Variants in GLI3 observed in about 807,000 individuals in gnomAD.
GLI3 encodes GLI family zinc finger 3.
GLI3 carries 20 observed loss-of-function variants against 100.8 expected under a neutral mutation model. The ratio of observed to expected loss-of-function variants is 0.20; its 90% CI spans 0.14 to 0.29. The LOEUF (loss-of-function observed/expected upper bound fraction) is 0.29, where lower values mean the gene tolerates loss of function less well. Ranked by LOEUF, GLI3 falls within the 10% of genes least tolerant of loss-of-function variation. The pLI, the probability that GLI3 is intolerant of heterozygous loss-of-function variation, is 1.00. For missense variants in GLI3, 2,040 were observed against 2,128.5 expected (o/e 0.96, Z 0.82); for synonymous variants, 938 against 860.5 (o/e 1.09, Z -1.58).
intron 2 of GLI3, among the ~76,000 whole-genome samples, chr7:42,159,250 C>T (rs751471376): frequency 2.0e-5 from 3 of 152,068 alleles, no homozygotes; most frequent in Non-Finnish European, 4.4e-5. Context: ...CAGTTAGAGC[C>T]GCACATAGTT....
chr7:42,139,027 G>T (rs147137599), intron 3 of GLI3, among the ~76,000 whole-genome samples: 5 of 152,198 alleles, frequency 3.3e-5, no homozygotes, highest in Non-Finnish European at 7.3e-5. Flanking sequence ...TCCCCTGGTG[G>T]TGTTAGCTAC....
rs192883611 is a variant in GLI3, at chr7:42,098,254, T to C, written c.368-21397A>G. ...TGAACAAATTCTCATTATTAGACCATAGAAAAGTTTGTTTTTATCCCCATC... is the reference window on the plus strand; with the variant it reads ...TGAACAAATTCTCATTATTAGACCACAGAAAAGTTTGTTTTTATCCCCATC... On this transcript the variant is annotated intron_variant, in intron 3 of 14. Coordinates refer to ENST00000395925, the MANE Select transcript of GLI3 (RefSeq NM_000168.6). Among the ~76,000 whole-genome samples, 456 of 152,232 alleles carry C rather than the reference T, an allele frequency of 3.0e-3. 1 individual carries two copies. The highest frequency in any genetic ancestry group is 5.6e-3 in the Non-Finnish European group (379 of 68,010).
chr7:42,052,902 T>C (rs980197155), intron 4 of GLI3, among the ~76,000 whole-genome samples: 2 of 152,178 alleles, frequency 1.3e-5, no homozygotes, highest in Non-Finnish European at 2.9e-5. Flanking sequence ...CCTCCTGACA[T>C]GTAAATAGTC....
chr7:42,177,371 G>A (rs1465203140), intron 2 of GLI3, among the ~76,000 whole-genome samples: 2 of 152,144 alleles, frequency 1.3e-5, no homozygotes, highest in East Asian at 1.9e-4. Context: ...CATGACCTTG[G>A]CCTTTTAGAA....
intron 10 of GLI3, among the ~76,000 whole-genome samples, chr7:41,986,000 G>T (rs180698223): frequency 7.9e-5 from 12 of 152,286 alleles, no homozygotes; most frequent in Admixed American, 7.8e-4. Context: ...TTCACAAAAT[G>T]CCTGTTTCAA....
chr7:42,059,365 A>G (rs1251391797), intron 4 of GLI3, among the ~76,000 whole-genome samples: 1 of 151,374 alleles, frequency 6.6e-6, no homozygotes, highest in Non-Finnish European at 1.5e-5. Flanking sequence ...AGTTGGTAAG[A>G]AGGATAAAAC....
intron 3 of GLI3, among the ~76,000 whole-genome samples, chr7:42,088,519 G>A (rs562997636): frequency 6.6e-6 from 1 of 152,328 alleles, no homozygotes; most frequent in Non-Finnish European, 1.5e-5. Flanking sequence ...TAGAGCACCT[G>A]CTCCTATGGT....
chr7:41,980,728 G>A (rs1343298227), intron 10 of GLI3, among the ~76,000 whole-genome samples: 4 of 152,160 alleles, frequency 2.6e-5, no homozygotes, highest in Non-Finnish European at 4.4e-5. Context: ...ATTATAATTT[G>A]TGCTGAGCCA....
chr7:42,113,698 T>G lies in GLI3; in HGVS notation c.367+34528A>C. ...AAATACTATTTTTTATCAAGTTTTA[T>G]AAAAATGCAGAATTTTGTTTTACTT... On this transcript the variant is annotated intron_variant, in intron 3 of 14. Transcript: ENST00000395925. 5 of 706,738 alleles carry G rather than the reference T, an allele frequency of 7.1e-6. No homozygotes were observed. In the South Asian group the frequency reaches 7.3e-5, roughly 10 times the overall value. 43.8% of individuals were successfully genotyped at this position (706,738 alleles called of 1,614,324 possible).
At chr7:42,207,466 A>ATGTTGAT (rs1270318576) in intron 2 of GLI3, among the ~76,000 whole-genome samples, 1 of 152,240 alleles carries the variant, frequency 6.6e-6, no homozygotes, top group Non-Finnish European at 1.5e-5. Context: ...TATTTCACTA[A>ATGTTGAT]TGTTGATACG....
chr7:42,090,337 G>A (rs757165222), intron 3 of GLI3, among the ~76,000 whole-genome samples: 5 of 152,244 alleles, frequency 3.3e-5, no homozygotes, highest in East Asian at 1.9e-4. Context: ...GTACTATGAC[G>A]TTATGATAGC....
chr7:41,972,745 G>T lies in GLI3; in HGVS notation c.1813-118C>A. 1 of 814,192 alleles carries T rather than the reference G, an allele frequency of 1.2e-6. No homozygotes were observed. The highest frequency in any genetic ancestry group is 2.0e-6 in the Non-Finnish European group (1 of 489,058). The allele number at this position is 814,192 out of a possible 1,614,324, so 50.4% of individuals were successfully genotyped here. On this transcript the variant is annotated intron_variant, in intron 12 of 14. Transcript: ENST00000395925. The surrounding 1 kb of genome is among the most constrained non-coding windows in gnomAD (Gnocchi z 4.4). ...AATCCTTTCAAAACACTTTCACAAG[G>T]CTTTGAGGTGTTCAGATACCTCTAG...
At chr7:42,067,781 C>G (rs540423436) in intron 4 of GLI3, among the ~76,000 whole-genome samples, 10 of 152,162 alleles carry the variant, frequency 6.6e-5, no homozygotes, top group South Asian at 2.1e-4. Context: ...AAAAAAAAAG[C>G]CTTAAAGAGA....
intron 2 of GLI3, among the ~76,000 whole-genome samples, chr7:42,154,891 C>A (rs940105037): frequency 6.6e-6 from 1 of 152,172 alleles, no homozygotes; most frequent in African/African-American, 2.4e-5. Context: ...TGCCCTTGTG[C>A]AGCTACACAT....
intron 3 of GLI3, among the ~76,000 whole-genome samples, chr7:42,115,284 G>A (rs56269350): frequency 0.11 from 16,001 of 151,598 alleles, 899 homozygotes; most frequent in African/African-American, 0.16. Flanking sequence ...GACTACAGGC[G>A]CCCTGCCACC....
chr7:42,145,138 A>C lies in GLI3; in HGVS notation c.367+3088T>G, dbSNP rs1156956661. On this transcript the variant is annotated intron_variant, in intron 3 of 14. Transcript: ENST00000395925. Reference sequence around the variant, plus strand: ...ATCAATCATTAGCTTTGCCTGGATAATTAAATCCATGTGAGCAGATAGATT... The same window carrying C: ...ATCAATCATTAGCTTTGCCTGGATACTTAAATCCATGTGAGCAGATAGATT... 2.0e-5 allele frequency among the ~76,000 whole-genome samples: 3 copies of C among 152,212 alleles called. No individual in the cohort carries two copies. In the East Asian group the frequency reaches 5.8e-4, roughly 29 times the overall value.
chr7:42,058,576 A>G (rs1784507523), intron 4 of GLI3, among the ~76,000 whole-genome samples: 1 of 152,224 alleles, frequency 6.6e-6, no homozygotes, highest in African/African-American at 2.4e-5. Flanking sequence ...TATAAAACAA[A>G]AATAGTCTAG....
intron 9 of GLI3, among the ~76,000 whole-genome samples, chr7:42,024,141 T>C (rs1172030710): frequency 3.3e-5 from 5 of 152,214 alleles, no homozygotes; most frequent in Admixed American, 2.0e-4. Flanking sequence ...GAGACACTTT[T>C]GTAGACTTTA....
intron 1 of GLI3, among the ~76,000 whole-genome samples, chr7:42,258,090 T>C (rs1040561618): frequency 6.6e-6 from 1 of 152,230 alleles, no homozygotes; most frequent in Non-Finnish European, 1.5e-5. Context: ...ATATATACTA[T>C]GTATAACCCA....
Sources: allele counts gnomAD v4.1 joint callset (sites outside exome capture counted in the v4.1 genomes callset), GRCh38; gene constraint gnomAD v4.1.1; non-coding constraint Gnocchi (gnomAD v3.1); transcripts MANE v1.5; gene names NCBI Gene and HGNC (gene_info 2026-07-23, HGNC 2026-07-21).